The following BMP2 variants were observed in gnomAD, a reference collection of about 807,000 sequenced individuals.
BMP2 encodes bone morphogenetic protein 2.
BMP2 carries 2 observed loss-of-function variants against 28.8 expected under a neutral mutation model. The ratio of observed to expected loss-of-function variants is 0.07; its 90% CI spans 0.03 to 0.22. The LOEUF (loss-of-function observed/expected upper bound fraction) is 0.22. BMP2 is among the 10% of genes least tolerant of loss of function. BMP2 has a pLI of 1.00. For missense variants in BMP2, 437 were observed against 517.7 expected (o/e 0.84, Z 1.51); for synonymous variants, 218 against 204.3 (o/e 1.07, Z -0.57).
chr20:6,775,778 C>T (rs762190476), intron 2 of BMP2, among the ~76,000 whole-genome samples: 9 of 152,096 alleles, frequency 5.9e-5, no homozygotes, highest in South Asian at 2.1e-4. Flanking sequence ...TCACTGTCAT[C>T]GTCTGGCCAT....
rs866951992 is a variant in BMP2 at position 6,778,926 on chromosome 20, C to T, written c.1028C>T (p.Ala343Val). Residue 343 changes from alanine (A) to valine (V), a missense_variant, in exon 3 of 3, where the codon GCC (alanine) becomes GTC (valine). Coordinates refer to ENST00000378827, the MANE Select transcript of BMP2 (RefSeq NM_001200.4). This position sits in a 1 kb window ranked among gnomAD's most constrained non-coding sequence, Gnocchi z 5.0. ...LADHLNSTNH[A>V]IVQTLVNSVN... Reference sequence around the variant, plus strand: ...GATCATCTGAACTCCACTAATCATGCCATTGTTCAGACGTTGGTCAACTCT... The same window carrying T: ...GATCATCTGAACTCCACTAATCATGTCATTGTTCAGACGTTGGTCAACTCT... 6.2e-7 allele frequency: 1 copy of T among 1,613,934 alleles called. No individual in the cohort carries two copies. Among genetic ancestry groups the T allele is most frequent in the Non-Finnish European group, 8.5e-7 (1 of 1,179,988 alleles).
At chr20:6,774,174 CT>C (rs1986454601) in intron 2 of BMP2, among the ~76,000 whole-genome samples, 1 of 151,672 alleles carries the variant, frequency 6.6e-6, no homozygotes, top group Non-Finnish European at 1.5e-5. Flanking sequence ...ATGGTTTTGA[CT>C]TTTGCTTAAG....
chr20:6,770,016 TC>T, intron 1 of BMP2, 103 bp from the exon 2 acceptor site: 1 of 1,226,938 alleles, frequency 8.2e-7, no homozygotes, highest in Non-Finnish European at 1.1e-6. Flanking sequence ...CAGGAGGGCA[TC>T]CTGGAGGAGG....
At chr20:6,775,788 T>C (rs1351053759) in intron 2 of BMP2, among the ~76,000 whole-genome samples, 2 of 152,298 alleles carry the variant, frequency 1.3e-5, no homozygotes, top group Middle Eastern at 3.4e-3. Context: ...CGTCTGGCCA[T>C]GTGGGTGTGT....
chr20:6,771,570 G>A (rs572120521), intron 2 of BMP2, among the ~76,000 whole-genome samples: 43 of 152,268 alleles, frequency 2.8e-4, no homozygotes, highest in African/African-American at 8.4e-4. Context: ...TAGACTAATG[G>A]GAAATGGCAC....
Position 6,768,371 on chromosome 20 carries a change from G to T in BMP2, c.-512G>T, listed in dbSNP as rs535084968. On this transcript the variant is annotated 5_prime_UTR_variant, in exon 1 of 3. Coordinates refer to ENST00000378827, the MANE Select transcript of BMP2 (RefSeq NM_001200.4). ...GGATGGCTGCCCCGAGCCATGGGCC[G>T]CGGCGGAGCTAGCGCGGAGCGCCCG... 40 of 396,694 alleles carry T rather than the reference G, an allele frequency of 1.0e-4. No individual in the cohort carries two copies. In the South Asian group the frequency reaches 1.5e-3, roughly 14 times the overall value. 24.6% of individuals were successfully genotyped at this position (396,694 alleles called of 1,614,324 possible).
intron 2 of BMP2, among the ~76,000 whole-genome samples, chr20:6,777,687 G>A (rs1986527276): frequency 6.6e-6 from 1 of 152,144 alleles, no homozygotes; most frequent in Non-Finnish European, 1.5e-5. Flanking sequence ...TTTGCAAAAT[G>A]TCATCGTTGA....
In BMP2 at chr20:6,779,900, A is replaced by T. The variant is rs1368853197; in HGVS notation, c.*811A>T. 1 of 152,340 alleles carries T rather than the reference A, an allele frequency of 6.6e-6. No homozygotes were observed. The highest frequency in any genetic ancestry group is 2.4e-5 in the African/African-American group (1 of 41,466). 9.4% of individuals were successfully genotyped at this position (152,340 alleles called of 1,614,324 possible). A position where few individuals can be genotyped will look rare whatever the true frequency, so the allele number is the denominator to read the frequency against. On this transcript the variant is annotated 3_prime_UTR_variant, in exon 3 of 3. Coordinates refer to ENST00000378827, the MANE Select transcript of BMP2 (RefSeq NM_001200.4). ...GTTGTTCTTCTTTCCTAAATTAGTG[A>T]TCCCTTCAAAGGGGCTGATCTGGCC...
chr20:6,776,543 C>T (rs1403395603), intron 2 of BMP2, among the ~76,000 whole-genome samples: 1 of 152,240 alleles, frequency 6.6e-6, no homozygotes, highest in Non-Finnish European at 1.5e-5. Flanking sequence ...AACCTTGACA[C>T]TCCAAGTGTG....
chr20:6,775,446 C>T (rs1986480381), intron 2 of BMP2, among the ~76,000 whole-genome samples: 1 of 152,108 alleles, frequency 6.6e-6, no homozygotes, highest in Admixed American at 6.6e-5. Flanking sequence ...TGGGACCTTT[C>T]AAGAAACAGA....
intron 2 of BMP2, among the ~76,000 whole-genome samples, chr20:6,773,391 A>G (rs1483076453): frequency 6.6e-6 from 1 of 152,204 alleles, no homozygotes; most frequent in Non-Finnish European, 1.5e-5. Flanking sequence ...CACATTAAGT[A>G]GGAAAATTAC....
Position 6,770,274 on chromosome 20 carries a change from C to T in BMP2, c.148C>T (p.Leu50=). The T allele has an allele frequency of 1.2e-6, 2 of 1,613,248 alleles. No homozygotes were observed. The highest frequency in any genetic ancestry group is 1.3e-5 in the African/African-American group (1 of 75,044). ...RPSSQPSDEV[L]SEFELRLLSM... ...CTCATCCCAGCCCTCTGACGAGGTC[C>T]TGAGCGAGTTCGAGTTGCGGCTGCT... Residue 50 remains leucine (L), a synonymous_variant, in exon 2 of 3, where the codon CTG becomes TTG. Coordinates refer to ENST00000378827, the MANE Select transcript of BMP2 (RefSeq NM_001200.4).
chr20:6,773,983 A>G (rs1986450500), intron 2 of BMP2, among the ~76,000 whole-genome samples: 1 of 152,134 alleles, frequency 6.6e-6, no homozygotes, highest in Non-Finnish European at 1.5e-5. Flanking sequence ...TTTAGAACAA[A>G]AGGGCAGCCA....
intron 2 of BMP2, 94 bp downstream of exon 2, chr20:6,770,566 C>G: frequency 8.0e-7 from 1 of 1,257,720 alleles, no homozygotes; most frequent in Non-Finnish European, 1.1e-6. Context: ...GGCAGCTTGG[C>G]CGGGGCACCA....
intron 2 of BMP2, among the ~76,000 whole-genome samples, chr20:6,774,409 C>T (rs1409761417): frequency 2.0e-5 from 3 of 152,054 alleles, no homozygotes; most frequent in Middle Eastern, 3.2e-3. Flanking sequence ...GCCTGTAATC[C>T]GAGCTAATTG....
chr20:6,770,568 G>A (rs1337580073), intron 2 of BMP2, 96 bp downstream of exon 2: 45 of 1,242,676 alleles, frequency 3.6e-5, no homozygotes, highest in Middle Eastern at 4.8e-4. Context: ...CAGCTTGGCC[G>A]GGGCACCAGC....
At chr20:6,773,551 C>T (rs997741584) in intron 2 of BMP2, among the ~76,000 whole-genome samples, 7 of 152,300 alleles carry the variant, frequency 4.6e-5, no homozygotes, top group East Asian at 1.9e-4. Context: ...CTTAGACTTG[C>T]TCTTTGTGTA....
At chr20:6,777,033 T>A (rs1407124448) in intron 2 of BMP2, among the ~76,000 whole-genome samples, 1 of 152,226 alleles carries the variant, frequency 6.6e-6, no homozygotes, top group Non-Finnish European at 1.5e-5. Context: ...TGATAGGATG[T>A]GGTAAAGTTA....
chr20:6,771,104 A>G (rs1986389675), intron 2 of BMP2, among the ~76,000 whole-genome samples: 1 of 152,198 alleles, frequency 6.6e-6, no homozygotes. Flanking sequence ...AATCTGAGAT[A>G]GGCTCTGAGT....
Sources: gnomAD v4.1 joint callset for allele counts (sites outside exome capture counted in the v4.1 genomes callset) on GRCh38, gnomAD v4.1.1 for gene constraint, Gnocchi (gnomAD v3.1) non-coding constraint, MANE v1.5 for transcripts, NCBI Gene and HGNC (gene_info 2026-07-23, HGNC 2026-07-21) for gene names.